The following TIMM23B variants were observed in gnomAD, a reference collection of about 807,000 sequenced individuals.
The protein encoded by TIMM23B is translocase of inner mitochondrial membrane 23 homolog B.
TIMM23B carries 27 observed loss-of-function variants against 27.3 expected under a neutral mutation model. That is an observed-to-expected ratio of 0.99 (90% CI 0.73 to 1.36). The LOEUF (loss-of-function observed/expected upper bound fraction) is 1.36, where lower values mean the gene tolerates loss of function less well. Ranked by LOEUF, TIMM23B falls within the 40% of genes most tolerant of loss-of-function variation. TIMM23B has a pLI of 0.00. For synonymous variants in TIMM23B, 73 were observed against 92.4 expected (o/e 0.79, Z 1.21); for missense variants, 205 against 244.2 (o/e 0.84, Z 1.07).
In TIMM23B at chr10:49,974,487, A is replaced by G. The variant is rs1046741; in HGVS notation, c.*1423A>G. The stretch of plus-strand genomic sequence containing the variant: ...CAGCAGCCTGTTGTTCGTCCTGCAA[A>G]TGTGTTTCCATCACATTACACAAAG... On this transcript the variant is annotated 3_prime_UTR_variant, in exon 7 of 7. Coordinates refer to ENST00000651259, the MANE Select transcript of TIMM23B (RefSeq NM_001290117.2). 6.6e-6 allele frequency: 1 copy of G among 150,488 alleles called. No individual in the cohort carries two copies. The highest frequency in any genetic ancestry group is 1.5e-5 in the Non-Finnish European group (1 of 67,804). 9.3% of individuals were successfully genotyped at this position (150,488 alleles called of 1,614,324 possible).
intron 6 of TIMM23B, among the ~76,000 whole-genome samples, chr10:49,971,453 AAAAG>A (rs1341619367): frequency 2.2e-4 from 33 of 152,322 alleles, no homozygotes; most frequent in Admixed American, 7.2e-4. Context: ...AACAAACAAA[AAAAG>A]AGAATGTAAG....
At chr10:49,956,366 T>C (rs1349516117) in intron 5 of TIMM23B, among the ~76,000 whole-genome samples, 3 of 151,072 alleles carry the variant, frequency 2.0e-5, no homozygotes, top group Non-Finnish European at 4.4e-5. Context: ...GCTAGTGTTA[T>C]AATACGTGAG....
chr10:49,966,658 T>A (rs1467414026), intron 6 of TIMM23B, among the ~76,000 whole-genome samples: 1 of 151,932 alleles, frequency 6.6e-6, no homozygotes, highest in African/African-American at 2.4e-5. Context: ...AAACCCCATC[T>A]CTACTAAAAT....
Position 49,973,001 on chromosome 10 carries a change from A to G in TIMM23B, c.515-11A>G, listed in dbSNP as rs560711910. The G allele has an allele frequency of 2.3e-4, 338 of 1,453,408 alleles. 2 individuals carry two copies. In the South Asian group the frequency reaches 3.7e-3, roughly 16 times the overall value. The allele number at this position is 1,453,408 out of a possible 1,614,324, so 90.0% of individuals were successfully genotyped here. On this transcript the variant is annotated splice_polypyrimidine_tract_variant and intron_variant, in intron 6 of 6. Transcript: ENST00000651259. ...AATATGTTTGGTTATTTTTGTTTTCATTGCTTTTAGTGTCAGAGATGGCTT... is the reference window on the plus strand; with the variant it reads ...AATATGTTTGGTTATTTTTGTTTTCGTTGCTTTTAGTGTCAGAGATGGCTT...
intron 6 of TIMM23B, among the ~76,000 whole-genome samples, chr10:49,971,965 A>G (rs1174303896): frequency 2.6e-5 from 4 of 152,196 alleles, no homozygotes; most frequent in African/African-American, 9.6e-5. Context: ...GGCATTTTAG[A>G]ACAGCTGACT....
chr10:49,943,040 C>T (rs1367051564), intron 1 of TIMM23B, among the ~76,000 whole-genome samples: 2 of 152,268 alleles, frequency 1.3e-5, no homozygotes, highest in South Asian at 2.1e-4. Flanking sequence ...TACGAAAGTA[C>T]TTTCTTTTTA....
intron 6 of TIMM23B, among the ~76,000 whole-genome samples, chr10:49,965,300 T>G (rs1304782741): frequency 6.6e-6 from 1 of 151,602 alleles, no homozygotes; most frequent in East Asian, 2.0e-4. Context: ...GCCTGGGTGA[T>G]AGAGTGAGTC....
chr10:49,952,469 A>T lies in TIMM23B; in HGVS notation c.280A>T (p.Asn94Tyr), dbSNP rs2133064408. 2 of 1,613,432 alleles carry T rather than the reference A, an allele frequency of 1.2e-6. No individual in the cohort carries two copies. Among genetic ancestry groups the T allele is most frequent in the Admixed American group, 3.3e-5 (2 of 59,988 alleles). The change falls in exon 4 of 7, where the codon AAT becomes TAT. Residue 94 changes from asparagine to tyrosine, a missense_variant. Transcript: ENST00000651259. ...ACCAGGGGCTGCGTTTGGGGCAATG[A>T]ATGGTCTTCGGCTAGGATTGAAGGA... ...CMTGAAFGAM[N>Y]GLRLGLKETQ...
intron 6 of TIMM23B, among the ~76,000 whole-genome samples, chr10:49,966,641 C>G (rs1349390781): frequency 1.3e-5 from 2 of 152,002 alleles, no homozygotes; most frequent in African/African-American, 4.8e-5. Context: ...GCCTGGCCAA[C>G]ATGATGAAAC....
In TIMM23B at chr10:49,942,114, C is replaced by T. The variant is rs1234618604; in HGVS notation, c.-81C>T. The T allele has an allele frequency of 5.2e-4, 765 of 1,463,662 alleles. 1 individual carries two copies. In the Middle Eastern group the frequency reaches 7.0e-3, roughly 13 times the overall value. The allele number at this position is 1,463,662 out of a possible 1,614,324, so 90.7% of individuals were successfully genotyped here. ...TAGGCGCTGGCAACGCGGGGTTACC[C>T]GCTGTTATTGAGGAGTAACGGCCCA... is the stretch of plus-strand genomic sequence containing the variant. On this transcript the variant is annotated 5_prime_UTR_variant, in exon 1 of 7. Transcript: ENST00000651259.
chr10:49,959,214 AGTT>A (rs1839819371), intron 6 of TIMM23B, among the ~76,000 whole-genome samples: 1 of 152,126 alleles, frequency 6.6e-6, no homozygotes, highest in African/African-American at 2.4e-5. Flanking sequence ...ATTTTAGTTT[AGTT>A]TTTTTAATCT....
chr10:49,953,978 A>G (rs1839624179), intron 4 of TIMM23B, among the ~76,000 whole-genome samples: 1 of 152,236 alleles, frequency 6.6e-6, no homozygotes, highest in Non-Finnish European at 1.5e-5. Context: ...TCCTTTCTTA[A>G]AACAAGTTAT....
At chr10:49,964,607 G>C (rs1200181109) in intron 6 of TIMM23B, among the ~76,000 whole-genome samples, 1 of 150,026 alleles carries the variant, frequency 6.7e-6, no homozygotes, top group African/African-American at 2.5e-5. Context: ...GAAATGCCGG[G>C]TGAAATGAAA....
At chr10:49,962,135 T>G (rs1198428967) in intron 6 of TIMM23B, among the ~76,000 whole-genome samples, 2 of 152,248 alleles carry the variant, frequency 1.3e-5, no homozygotes, top group Admixed American at 6.5e-5. Flanking sequence ...ATAAACACTT[T>G]GAGGCTTATG....
intron 5 of TIMM23B, 31 bp from the exon 6 acceptor site, chr10:49,958,339 T>C: frequency 6.3e-7 from 1 of 1,596,246 alleles, no homozygotes; most frequent in Non-Finnish European, 8.6e-7. Context: ...TATCACTGTT[T>C]TGTCACTGAG....
rs1261707689 is a variant in TIMM23B at position 49,958,416 on chromosome 10, T to G, written c.450T>G (p.Gly150=). Residue 150 remains glycine, a synonymous_variant, in exon 6 of 7, where the codon GGT becomes GGG. Coordinates refer to ENST00000651259, the MANE Select transcript of TIMM23B (RefSeq NM_001290117.2). ...GTGTCATCATTGAGAAAACACGAGG[T>G]GCAGAAGATGACCTTAACACAGTAG... ...AFGVIIEKTR[G]AEDDLNTVAA... is the part of the protein sequence containing the mutation. 6.2e-7 allele frequency: 1 copy of G among 1,613,792 alleles called. No individual in the cohort carries two copies. The highest frequency in any genetic ancestry group is 1.3e-5 in the African/African-American group (1 of 74,906).
At chr10:49,954,135 T>C (rs1839631003) in intron 4 of TIMM23B, 1 of 156,674 alleles carries the variant, frequency 6.4e-6, no homozygotes, top group Non-Finnish European at 1.4e-5. Flanking sequence ...AATTTTTGTT[T>C]CTGTAGAACG....
intron 6 of TIMM23B, among the ~76,000 whole-genome samples, chr10:49,960,572 C>A (rs1220239068): frequency 3.3e-5 from 5 of 151,894 alleles, no homozygotes; most frequent in African/African-American, 4.8e-5. Context: ...ACTGGTACTC[C>A]CTTGTTTTAT....
chr10:49,964,029 A>G (rs1161492593), intron 6 of TIMM23B, among the ~76,000 whole-genome samples: 2 of 152,054 alleles, frequency 1.3e-5, no homozygotes, highest in Non-Finnish European at 2.9e-5. Context: ...CGTGTGGTGC[A>G]CTCCAGCCTG....
Sources: allele counts gnomAD v4.1 joint callset (sites outside exome capture counted in the v4.1 genomes callset), GRCh38; gene constraint gnomAD v4.1.1; transcripts MANE v1.5; gene names NCBI Gene and HGNC (gene_info 2026-07-23, HGNC 2026-07-21).